The following RPS6KA2 variants were observed in gnomAD, a reference collection of about 807,000 sequenced individuals.
RPS6KA2 encodes the protein ribosomal protein S6 kinase A2.
RPS6KA2 carries 42 observed loss-of-function variants against 91.8 expected under a neutral mutation model. The ratio of observed to expected loss-of-function variants is 0.46; its 90% CI spans 0.36 to 0.59. The LOEUF (loss-of-function observed/expected upper bound fraction) is 0.59, where lower values mean the gene tolerates loss of function less well. RPS6KA2 is among the 20% of genes least tolerant of loss of function. The pLI is 0.00. For missense variants in RPS6KA2, 798 were observed against 978.5 expected (o/e 0.82, Z 2.46); for synonymous variants, 414 against 393.6 (o/e 1.05, Z -0.61).
rs376029388 is a variant in RPS6KA2 at position 166,412,769 on chromosome 6, C to T, written c.2195G>A (p.Arg732Gln). 6.9e-6 allele frequency: 11 copies of T among 1,598,024 alleles called. No individual in the cohort carries two copies. The highest frequency in any genetic ancestry group is 2.7e-5 in the African/African-American group (2 of 74,804). The change falls in exon 21 of 21, where the codon CGG (arginine) becomes CAG (glutamine). Residue 732 changes from arginine (R) to glutamine (Q), a missense_variant. Transcript: ENST00000265678. This position sits in a 1 kb window ranked among gnomAD's most constrained non-coding sequence, Gnocchi z 4.3. ...GGGCCAGGGTCCCACCCGCTACAGC[C>T]GCGTGGACGTGAGTCTCTTCATGCC... ...RRGMKRLTST[R>Q]L
In RPS6KA2 at chr6:166,862,381, G is replaced by C. The variant is rs556410389; in HGVS notation, c.-211C>G. The C allele has an allele frequency of 8.3e-5, 117 of 1,402,286 alleles. No homozygotes were observed. In the African/African-American group the frequency reaches 1.6e-3, roughly 19 times the overall value. The allele number at this position is 1,402,286 out of a possible 1,614,324, so 86.9% of individuals were successfully genotyped here. A position where few individuals can be genotyped will look rare whatever the true frequency, so the allele number is the denominator to read the frequency against. ...GCCGGCCGGAGGAGGGACCCGGGGG[G>C]CTGCAATATGGCTGCTCGGGCGCCG... On this transcript the variant is annotated 5_prime_UTR_variant, in exon 1 of 22. Transcript: ENST00000503859.
chr6:166,480,521 T>TAATATA (rs58223795), intron 10 of RPS6KA2, among the ~76,000 whole-genome samples: 19 of 111,404 alleles, frequency 1.7e-4, no homozygotes, highest in Non-Finnish European at 3.2e-4. Context: ...ATATAATATA[T>TAATATA]TTTTTTTTTT....
At chr6:166,476,222 C>T (rs968191629) in intron 10 of RPS6KA2, among the ~76,000 whole-genome samples, 1 of 152,114 alleles carries the variant, frequency 6.6e-6, no homozygotes, top group East Asian at 1.9e-4. Flanking sequence ...CCAGCAAAGC[C>T]CCGGGGTCTA....
chr6:166,436,266 A>G (rs1313787562), intron 14 of RPS6KA2, among the ~76,000 whole-genome samples: 1 of 148,120 alleles, frequency 6.8e-6, no homozygotes, highest in Non-Finnish European at 1.5e-5. Context: ...AAGCAGTGTG[A>G]TGTTTAAAAC....
chr6:166,600,467 C>G (rs1785695225), intron 1 of RPS6KA2, among the ~76,000 whole-genome samples: 1 of 152,266 alleles, frequency 6.6e-6, no homozygotes, highest in Non-Finnish European at 1.5e-5. Context: ...TCACCACCAT[C>G]AGATGTGATT....
At chr6:166,763,690 T>C (rs1219973852) in intron 2 of RPS6KA2, among the ~76,000 whole-genome samples, 1 of 152,146 alleles carries the variant, frequency 6.6e-6, no homozygotes, top group Non-Finnish European at 1.5e-5. Context: ...CCTGTACAGA[T>C]AAGAGCATTG....
intron 2 of RPS6KA2, among the ~76,000 whole-genome samples, chr6:166,782,893 G>T (rs1238188896): frequency 6.6e-6 from 1 of 150,890 alleles, no homozygotes; most frequent in East Asian, 1.9e-4. Flanking sequence ...TCTGCTCTGG[G>T]TGATCATGGA....
intron 4 of RPS6KA2, 45 bp downstream of exon 4, chr6:166,510,232 G>T: frequency 8.6e-7 from 1 of 1,160,026 alleles, no homozygotes. Context: ...ATCTGGAGAA[G>T]GTTGCCCTGG....
chr6:166,558,723 C>T (rs1054033768), intron 1 of RPS6KA2, among the ~76,000 whole-genome samples: 1 of 152,086 alleles, frequency 6.6e-6, no homozygotes, highest in Admixed American at 6.5e-5. Flanking sequence ...AGTGGCAAAC[C>T]GTGAGAAGTA....
intron 6 of RPS6KA2, among the ~76,000 whole-genome samples, chr6:166,501,425 C>A (rs1335270057): frequency 6.6e-6 from 1 of 152,236 alleles, no homozygotes; most frequent in Non-Finnish European, 1.5e-5. Flanking sequence ...GAGGCCTGCA[C>A]AAGCGGGGGC....
chr6:166,504,711 C>A (rs2128480051), intron 5 of RPS6KA2, 99 bp from the exon 6 acceptor site: 1 of 815,638 alleles, frequency 1.2e-6, no homozygotes, highest in Non-Finnish European at 1.9e-6. Flanking sequence ...AGAGTCCACA[C>A]TGGGGTCAGT....
At chr6:166,731,918 C>T (rs1358089987) in intron 2 of RPS6KA2, among the ~76,000 whole-genome samples, 2 of 152,074 alleles carry the variant, frequency 1.3e-5, no homozygotes, top group African/African-American at 2.4e-5. Flanking sequence ...ATAAAACTAA[C>T]TTTAATTATT....
chr6:166,660,342 G>A (rs574052333), intron 2 of RPS6KA2, among the ~76,000 whole-genome samples: 59 of 151,432 alleles, frequency 3.9e-4, no homozygotes, highest in Non-Finnish European at 7.2e-4. Flanking sequence ...GTGTGTGTGC[G>A]GGTTGGTGTG....
intron 7 of RPS6KA2, among the ~76,000 whole-genome samples, chr6:166,499,235 C>T (rs944358638): frequency 2.6e-5 from 4 of 152,162 alleles, no homozygotes; most frequent in Non-Finnish European, 4.4e-5. Context: ...GAAGTGGCCC[C>T]GGGGCTGGAA....
intron 2 of RPS6KA2, among the ~76,000 whole-genome samples, chr6:166,822,660 G>T (rs1033287692): frequency 6.6e-6 from 1 of 152,152 alleles, no homozygotes; most frequent in Non-Finnish European, 1.5e-5. Context: ...TCCAGCTCAT[G>T]GATTATTTAT....
At chr6:166,488,357 C>G (rs1352185771) in intron 10 of RPS6KA2, among the ~76,000 whole-genome samples, 2 of 152,214 alleles carry the variant, frequency 1.3e-5, no homozygotes, top group Non-Finnish European at 2.9e-5. Context: ...CGCGCCAACT[C>G]GCTAAGACCG....
intron 2 of RPS6KA2, among the ~76,000 whole-genome samples, chr6:166,774,822 T>C (rs1393915485): frequency 1.3e-5 from 2 of 150,000 alleles, no homozygotes; most frequent in Admixed American, 1.3e-4. Context: ...CCCCAAAACA[T>C]CTCGCCCTTC....
chr6:166,802,459 A>G (rs987932000), intron 2 of RPS6KA2, among the ~76,000 whole-genome samples: 5 of 152,220 alleles, frequency 3.3e-5, no homozygotes, highest in Admixed American at 3.3e-4. Flanking sequence ...GGAAGGTCTT[A>G]TGTGCTCAGA....
At position 166,480,341 on chromosome 6, in the gene RPS6KA2, C is replaced by T. The variant is rs534322424; in HGVS notation, c.907+8492G>A. On this transcript the variant is annotated intron_variant, in intron 10 of 20. Coordinates refer to ENST00000265678, the MANE Select transcript of RPS6KA2 (RefSeq NM_021135.6). ...ACTGGCTGATTCGAAAGCACAAAAA[C>T]ATTCACGGAAAGCAACAAGTGCCGA... 9.2e-5 allele frequency among the ~76,000 whole-genome samples: 14 copies of T among 151,862 alleles called. No individual in the cohort carries two copies. The South Asian group carries it at 2.9e-3, about 32-fold the overall frequency.
Sources: gnomAD v4.1 joint callset for allele counts (sites outside exome capture counted in the v4.1 genomes callset) on GRCh38, gnomAD v4.1.1 for gene constraint, Gnocchi (gnomAD v3.1) non-coding constraint, MANE v1.5 for transcripts, NCBI Gene and HGNC (gene_info 2026-07-23, HGNC 2026-07-21) for gene names.